ERC1: variants seen among roughly 807,000 people sequenced by gnomAD.
ERC1 encodes the protein RAB6 interacting protein 2.
In ERC1, 56 loss-of-function variants were observed where a neutral mutation model predicts 132.0. The ratio of observed to expected loss-of-function variants is 0.42; its 90% CI spans 0.34 to 0.53. ERC1 has a LOEUF of 0.53. Among genes scored for constraint, ERC1 ranks in the 20% least tolerant of loss-of-function variants. ERC1 has a pLI of 0.03. For missense variants in ERC1, 1,202 were observed against 1,349.9 expected (o/e 0.89, Z 1.72); for synonymous variants, 478 against 476.1 (o/e 1.00, Z -0.05).
intron 3 of ERC1, among the ~76,000 whole-genome samples, chr12:1,095,154 G>C (rs1397258797): frequency 2.0e-5 from 3 of 152,116 alleles, no homozygotes; most frequent in Non-Finnish European, 4.4e-5. Flanking sequence ...TGTTTCTCAG[G>C]CGTGGTGGCT....
At chr12:1,194,369 C>G (rs1280519069) in intron 12 of ERC1, among the ~76,000 whole-genome samples, 1 of 151,988 alleles carries the variant, frequency 6.6e-6, no homozygotes, top group Admixed American at 6.5e-5. Context: ...TGCAGTGAGC[C>G]AAGATCATGC....
chr12:1,233,707 TGA>T (rs1289446780), intron 12 of ERC1, among the ~76,000 whole-genome samples: 1 of 152,030 alleles, frequency 6.6e-6, no homozygotes, highest in African/African-American at 2.4e-5. Context: ...ATCCAGAATG[TGA>T]GTCGTTGTAT....
intron 13 of ERC1, among the ~76,000 whole-genome samples, chr12:1,242,125 G>A (rs2075849502): frequency 6.6e-6 from 1 of 152,028 alleles, no homozygotes; most frequent in African/African-American, 2.4e-5. Context: ...GGGATTATAG[G>A]CGTAAGCCCA....
intron 8 of ERC1, among the ~76,000 whole-genome samples, chr12:1,160,898 A>G (rs1270398471): frequency 6.6e-6 from 1 of 152,132 alleles, no homozygotes; most frequent in Non-Finnish European, 1.5e-5. Context: ...GCCCAGCCTG[A>G]AATTCCTTCT....
intron 17 of ERC1, among the ~76,000 whole-genome samples, chr12:1,418,659 C>T (rs61913151): frequency 0.013 from 1,406 of 110,330 alleles, 21 homozygotes; most frequent in African/African-American, 0.03. Flanking sequence ...CTCTCTCTCT[C>T]TCTTTCTTTT....
chr12:1,473,595 A>G (rs887273897), intron 18 of ERC1, among the ~76,000 whole-genome samples: 1 of 140,042 alleles, frequency 7.1e-6, no homozygotes, highest in Non-Finnish European at 1.5e-5. Flanking sequence ...TCGCCACCGC[A>G]CTCCAGCCTG....
chr12:1,484,073 A>G (rs375048595), intron 18 of ERC1, among the ~76,000 whole-genome samples: 56,199 of 150,924 alleles, frequency 0.37, 11,172 homozygotes, highest in African/African-American at 0.52. Flanking sequence ...TGGGAGGCTG[A>G]GGCGGGCGGA....
chr12:1,000,140 A>G (rs980602338), intron 1 of ERC1, among the ~76,000 whole-genome samples: 2 of 152,004 alleles, frequency 1.3e-5, no homozygotes, highest in Non-Finnish European at 2.9e-5. Context: ...TATTAGTTTC[A>G]TTTTTTCTCA....
chr12:1,358,834 A>G (rs1419614663), intron 15 of ERC1, among the ~76,000 whole-genome samples: 1 of 152,252 alleles, frequency 6.6e-6, no homozygotes, highest in Non-Finnish European at 1.5e-5. Context: ...TTGAGCCTCA[A>G]GAGATGAAGC....
Position 1,081,776 on chromosome 12 carries a change from A to G in ERC1, c.670-1388A>G, listed in dbSNP as rs1016486553. Among the ~76,000 whole-genome samples the G allele has an allele frequency of 1.4e-4, 22 of 152,300 alleles. No homozygotes were observed. The Middle Eastern group carries it at 0.01, about 71-fold the overall frequency. On this transcript the variant is annotated intron_variant, in intron 2 of 18. Coordinates refer to ENST00000360905, the MANE Select transcript of ERC1 (RefSeq NM_178040.4). ...TGAATAAACTCTACAGATTTGATGT[A>G]TAACATTGTACCTGTAGTCAGCAGT...
At chr12:1,296,845 CA>C (rs2079991679) in intron 15 of ERC1, among the ~76,000 whole-genome samples, 1 of 152,068 alleles carries the variant, frequency 6.6e-6, no homozygotes, top group Non-Finnish European at 1.5e-5. Flanking sequence ...ACATGTAGGA[CA>C]ATTTCAAATG....
chr12:1,470,862 A>T (rs528985516), intron 18 of ERC1, among the ~76,000 whole-genome samples: 1 of 152,220 alleles, frequency 6.6e-6, no homozygotes, highest in Non-Finnish European at 1.5e-5. Flanking sequence ...TCGTCCAAGC[A>T]TTCCACACAG....
chr12:1,048,056 A>AGATGCAGGT (rs1971354774), intron 2 of ERC1, among the ~76,000 whole-genome samples: 6 of 152,190 alleles, frequency 3.9e-5, no homozygotes, highest in South Asian at 4.1e-4. Context: ...TTCTCAGGCT[A>AGATGCAGGT]GATGCAGGTA....
At position 1,185,155 on chromosome 12, in the gene ERC1, C is replaced by T. The variant is rs1274684127; in HGVS notation, c.2157+1734C>T. Among the ~76,000 whole-genome samples the T allele has an allele frequency of 8.6e-5, 13 of 152,018 alleles. 1 individual carries two copies. The South Asian group carries it at 2.1e-3, about 24-fold the overall frequency. ...CAAACTCCTGACCTCATGATCCACCCGCCTCAGCCTCCCAAAGTGCTGGGA... is the reference window on the plus strand; with the variant it reads ...CAAACTCCTGACCTCATGATCCACCTGCCTCAGCCTCCCAAAGTGCTGGGA... On this transcript the variant is annotated intron_variant, in intron 11 of 18. Coordinates refer to ENST00000360905, the MANE Select transcript of ERC1 (RefSeq NM_178040.4).
intron 15 of ERC1, among the ~76,000 whole-genome samples, chr12:1,338,972 G>A (rs1349369295): frequency 6.6e-6 from 1 of 152,220 alleles, no homozygotes; most frequent in African/African-American, 2.4e-5. Flanking sequence ...CTAATGGGTG[G>A]TGTCTGCCAA....
At chr12:1,099,353 A>G (rs1944402855) in intron 3 of ERC1, among the ~76,000 whole-genome samples, 1 of 151,784 alleles carries the variant, frequency 6.6e-6, no homozygotes, top group African/African-American at 2.4e-5. Flanking sequence ...CTCAACTCCC[A>G]TGTGTCATTC....
At position 1,001,181 on chromosome 12, in the gene ERC1, C is replaced by T. The variant is rs987077906; in HGVS notation, c.-157+9859C>T. ...CCTCCCAAAGTGCTGGGATTACAGG[C>T]GTGAGCCACACTGCCGGTGCTTGCC... On this transcript the variant is annotated intron_variant, in intron 1 of 18. Transcript: ENST00000360905. Among the ~76,000 whole-genome samples the T allele has an allele frequency of 5.3e-5, 8 of 152,256 alleles. No individual in the cohort carries two copies. The South Asian group carries it at 1.7e-3, about 32-fold the overall frequency.
chr12:1,398,930 CTTTTTTTTT>C (rs1162145460), intron 16 of ERC1, among the ~76,000 whole-genome samples: 41 of 93,900 alleles, frequency 4.4e-4, no homozygotes, highest in Non-Finnish European at 7.9e-4. Flanking sequence ...TTTTCTCCTA[CTTTTTTTTT>C]TTTTTTTTTT....
At chr12:1,176,090 T>C (rs1953682631) in intron 8 of ERC1, among the ~76,000 whole-genome samples, 1 of 152,244 alleles carries the variant, frequency 6.6e-6, no homozygotes, top group East Asian at 1.9e-4. Context: ...CAAAAAGTTT[T>C]CAATTTACTT....
Sources: gnomAD v4.1 joint callset for allele counts (sites outside exome capture counted in the v4.1 genomes callset) on GRCh38, gnomAD v4.1.1 for gene constraint, MANE v1.5 for transcripts, NCBI Gene and HGNC (gene_info 2026-07-23, HGNC 2026-07-21) for gene names.